Variants in HIVEP3 observed in about 807,000 individuals in gnomAD.
HIVEP3 encodes the protein HIVEP zinc finger 3, also known as transcription factor HIVEP3.
HIVEP3 carries 49 observed loss-of-function variants against 152.8 expected under a neutral mutation model. The observed-to-expected ratio is 0.32, with a 90% CI of 0.26 to 0.41. The LOEUF (loss-of-function observed/expected upper bound fraction) is 0.41, where lower values mean the gene tolerates loss of function less well. HIVEP3 is among the 10% of genes least tolerant of loss of function. The pLI, the probability that HIVEP3 is intolerant of heterozygous loss-of-function variation, is 1.00. For missense variants in HIVEP3, 2,790 were observed against 3,103.3 expected, an observed-to-expected ratio of 0.90 and a Z score of 2.40; for synonymous variants, 1,269 against 1,289.0, an observed-to-expected ratio of 0.98 and a Z score of 0.33.
intron 2 of HIVEP3, among the ~76,000 whole-genome samples, chr1:41,698,106 C>A (rs558099964): frequency 6.6e-6 from 1 of 152,320 alleles, no homozygotes; most frequent in South Asian, 2.1e-4. Flanking sequence ...CAGTGCCTGG[C>A]ATGTAGTAAG....
chr1:41,604,244 T>C (rs1271590263), intron 3 of HIVEP3, among the ~76,000 whole-genome samples: 1 of 152,202 alleles, frequency 6.6e-6, no homozygotes, highest in Non-Finnish European at 1.5e-5. Context: ...GCAGATCTAT[T>C]CATGATAGCC....
chr1:41,639,036 G>A (rs888760365), intron 2 of HIVEP3, among the ~76,000 whole-genome samples: 39 of 152,218 alleles, frequency 2.6e-4, no homozygotes, highest in African/African-American at 8.7e-4. Flanking sequence ...CTCCTGACAC[G>A]TGGCCCTTCC....
intron 1 of HIVEP3, among the ~76,000 whole-genome samples, chr1:42,015,335 G>A (rs531568475): frequency 6.6e-6 from 1 of 152,254 alleles, no homozygotes; most frequent in South Asian, 2.1e-4. Context: ...CCAGAATTAA[G>A]TCTACATTCC....
intron 1 of HIVEP3, among the ~76,000 whole-genome samples, chr1:41,930,500 C>T (rs562050162): frequency 6.6e-6 from 1 of 152,176 alleles, no homozygotes; most frequent in East Asian, 1.9e-4. Flanking sequence ...ATGGATATAT[C>T]ACTTCTGTTC....
chr1:42,007,246 T>G (rs1328414817), intron 1 of HIVEP3, among the ~76,000 whole-genome samples: 2 of 152,172 alleles, frequency 1.3e-5, no homozygotes, highest in Non-Finnish European at 2.9e-5. Context: ...CGAGTGACCG[T>G]GAGGTAGGGA....
chr1:41,949,814 C>T (rs1645095901), intron 1 of HIVEP3, among the ~76,000 whole-genome samples: 1 of 152,166 alleles, frequency 6.6e-6, no homozygotes, highest in East Asian at 1.9e-4. Context: ...TAAAATCTAC[C>T]GTGGATCCCT....
chr1:42,003,219 G>A (rs1359859783), intron 1 of HIVEP3, among the ~76,000 whole-genome samples: 1 of 152,008 alleles, frequency 6.6e-6, no homozygotes, highest in Non-Finnish European at 1.5e-5. Flanking sequence ...TGGGAATGCA[G>A]GTGTGCACCA....
At chr1:41,530,463 G>T (rs941495023) in intron 5 of HIVEP3, among the ~76,000 whole-genome samples, 1 of 152,194 alleles carries the variant, frequency 6.6e-6, no homozygotes, top group Admixed American at 6.5e-5. Flanking sequence ...GGACCTGGTG[G>T]CCAGGGAAGA....
rs138592366 is a variant in HIVEP3, at chr1:41,562,575, T to TTTCCTTCC, written c.5207+12961_5207+12968dup. On this transcript the variant is annotated intron_variant, in intron 5 of 8. Coordinates refer to ENST00000372583, the MANE Select transcript of HIVEP3 (RefSeq NM_024503.5). ...CTTCCTTCTTTCCTTCTTTCCTTCT[T>TTTCCTTCC]TTCCTTCCTTCCTTCCTTCCTTTCT... is the stretch of plus-strand genomic sequence containing the variant. Among the ~76,000 whole-genome samples the TTTCCTTCC allele has an allele frequency of 9.3e-4, 120 of 129,630 alleles. 3 individuals are homozygous for TTTCCTTCC. The highest frequency in any genetic ancestry group is 1.4e-3 in the East Asian group (6 of 4,348). 85.0% of individuals were successfully genotyped at this position (129,630 alleles called of 152,430 possible). A position where few individuals can be genotyped will look rare whatever the true frequency, so the allele number is the denominator to read the frequency against.
intron 2 of HIVEP3, among the ~76,000 whole-genome samples, chr1:41,685,748 T>C (rs1425803172): frequency 6.6e-6 from 1 of 152,282 alleles, no homozygotes; most frequent in African/African-American, 2.4e-5. Context: ...CTGTTTCTTT[T>C]GCTGGATTGT....
At position 41,799,790 on chromosome 1, in the gene HIVEP3, A is replaced by AC. The variant is rs376861046; in HGVS notation, c.-800-98796dup. On this transcript the variant is annotated intron_variant, in intron 1 of 8. Transcript: ENST00000372583. The stretch of plus-strand genomic sequence containing the variant: ...CCAAAAAATGCATGTTAAAAATGGC[A>AC]CCCCCCCTTCCCCCCAACCCCAAGC... Among the ~76,000 whole-genome samples, 1,506 of 151,492 alleles carry AC rather than the reference A, an allele frequency of 9.9e-3. 20 individuals are homozygous for AC. The highest frequency in any genetic ancestry group is 0.035 in the African/African-American group (1,429 of 41,268).
chr1:41,899,904 A>G (rs1210484279), intron 1 of HIVEP3, among the ~76,000 whole-genome samples: 1 of 152,158 alleles, frequency 6.6e-6, no homozygotes, highest in South Asian at 2.1e-4. Context: ...CCAAATCTAC[A>G]TTATTGTCCC....
intron 1 of HIVEP3, among the ~76,000 whole-genome samples, chr1:41,932,049 T>C (rs1055053126): frequency 6.6e-6 from 1 of 151,954 alleles, no homozygotes; most frequent in African/African-American, 2.4e-5. Context: ...TGTTTAGTTT[T>C]TCACCAGTAA....
chr1:42,031,229 G>A (rs1313715843), intron 1 of HIVEP3, among the ~76,000 whole-genome samples: 3 of 152,030 alleles, frequency 2.0e-5, no homozygotes, highest in South Asian at 2.1e-4. Context: ...CTCCTACAAC[G>A]TCCTCTACTT....
intron 1 of HIVEP3, among the ~76,000 whole-genome samples, chr1:41,816,002 G>A (rs1388513799): frequency 6.6e-6 from 1 of 152,142 alleles, no homozygotes; most frequent in African/African-American, 2.4e-5. Flanking sequence ...GTTGGTTCTG[G>A]AGTAAGTCCC....
chr1:42,003,537 G>A (rs1377563779), intron 1 of HIVEP3, among the ~76,000 whole-genome samples: 4 of 152,200 alleles, frequency 2.6e-5, no homozygotes, highest in Admixed American at 6.5e-5. Flanking sequence ...AGCCAGAAGG[G>A]AGAACAGTGG....
intron 5 of HIVEP3, among the ~76,000 whole-genome samples, chr1:41,538,641 G>A (rs1164062746): frequency 6.6e-6 from 1 of 152,286 alleles, no homozygotes; most frequent in Non-Finnish European, 1.5e-5. Context: ...GATAGGTGGA[G>A]GTCCTGTGGA....
intron 1 of HIVEP3, among the ~76,000 whole-genome samples, chr1:41,814,553 G>C (rs1213758118): frequency 6.6e-6 from 1 of 152,224 alleles, no homozygotes; most frequent in Non-Finnish European, 1.5e-5. Flanking sequence ...CCAGATTATA[G>C]CCATGAATCT....
At chr1:41,851,787 G>A (rs1643609197) in intron 1 of HIVEP3, among the ~76,000 whole-genome samples, 1 of 152,188 alleles carries the variant, frequency 6.6e-6, no homozygotes, top group Non-Finnish European at 1.5e-5. Context: ...GATTGGGGGT[G>A]GTGTCGATTT....
Sources: allele counts gnomAD v4.1 joint callset (sites outside exome capture counted in the v4.1 genomes callset), GRCh38; gene constraint gnomAD v4.1.1; transcripts MANE v1.5; gene names NCBI Gene and HGNC (gene_info 2026-07-23, HGNC 2026-07-21).